MKLN1: variants seen among roughly 807,000 people sequenced by gnomAD.
MKLN1 encodes the protein muskelin 1, also known as muskelin.
MKLN1 carries 18 observed loss-of-function variants against 99.0 expected under a neutral mutation model. That is an observed-to-expected ratio of 0.18 (90% CI 0.13 to 0.27). The LOEUF is 0.27. Ranked by LOEUF, MKLN1 falls within the 10% of genes least tolerant of loss-of-function variation. MKLN1 has a pLI of 1.00. For synonymous variants in MKLN1, 288 were observed against 293.2 expected, an observed-to-expected ratio of 0.98 and a Z score of 0.18; for missense variants, 621 against 875.9, an observed-to-expected ratio of 0.71 and a Z score of 3.67.
At chr7:131,388,613 C>T (rs978122963) in intron 3 of MKLN1, among the ~76,000 whole-genome samples, 10 of 152,212 alleles carry the variant, frequency 6.6e-5, no homozygotes, top group African/African-American at 9.6e-5. Context: ...GGCCCTGTCA[C>T]ACATTTTTAA....
At chr7:131,349,859 T>C (rs956589813) in intron 1 of MKLN1, among the ~76,000 whole-genome samples, 8 of 152,352 alleles carry the variant, frequency 5.3e-5, no homozygotes, top group Admixed American at 4.6e-4. Context: ...GTTTGTTTTA[T>C]TTTGTTGCCA....
intron 1 of MKLN1, among the ~76,000 whole-genome samples, chr7:131,136,316 A>G (rs1795648072): frequency 6.6e-6 from 1 of 152,226 alleles, no homozygotes; most frequent in African/African-American, 2.4e-5. Flanking sequence ...TCCATCCAAC[A>G]TAGTGTATTT....
chr7:131,389,053 C>T (rs1794116737), intron 4 of MKLN1, 81 bp downstream of exon 4: 2 of 792,442 alleles, frequency 2.5e-6, no homozygotes, highest in African/African-American at 3.5e-5. Context: ...CCAAATCCTG[C>T]AGGCCTCTTG....
chr7:131,457,498 T>C (rs1796381071), intron 12 of MKLN1, among the ~76,000 whole-genome samples: 1 of 152,014 alleles, frequency 6.6e-6, no homozygotes, highest in South Asian at 2.1e-4. Flanking sequence ...GCAAGAGCAC[T>C]CTTCCAGGAA....
chr7:131,270,894 C>T (rs1406460530), intron 3 of MKLN1, among the ~76,000 whole-genome samples: 2 of 151,246 alleles, frequency 1.3e-5, no homozygotes, highest in Non-Finnish European at 2.9e-5. Flanking sequence ...GTCTTTCCTC[C>T]TCTGTAAAAA....
intron 3 of MKLN1, among the ~76,000 whole-genome samples, chr7:131,226,285 A>G (rs2116463320): frequency 6.6e-6 from 1 of 150,578 alleles, no homozygotes; most frequent in East Asian, 1.9e-4. Flanking sequence ...GCCCAAGAGA[A>G]AAATGTAAAC....
At chr7:131,159,282 T>G (rs543544312) in intron 2 of MKLN1, among the ~76,000 whole-genome samples, 1 of 152,158 alleles carries the variant, frequency 6.6e-6, no homozygotes, top group African/African-American at 2.4e-5. Flanking sequence ...TTATGAAATA[T>G]CTATCACACA....
At chr7:131,205,082 A>G (rs1365969715) in intron 3 of MKLN1, among the ~76,000 whole-genome samples, 4 of 150,024 alleles carry the variant, frequency 2.7e-5, no homozygotes, top group Non-Finnish European at 4.4e-5. Context: ...TGGGCAACAG[A>G]ACAAGACTCC....
chr7:131,190,925 A>G (rs947051246), intron 2 of MKLN1, among the ~76,000 whole-genome samples: 2 of 152,180 alleles, frequency 1.3e-5, no homozygotes, highest in African/African-American at 4.8e-5. Flanking sequence ...ATTTAATCCT[A>G]AAACTGCATA....
chr7:131,265,483 C>T (rs999013999), intron 3 of MKLN1, among the ~76,000 whole-genome samples: 8 of 152,192 alleles, frequency 5.3e-5, no homozygotes, highest in African/African-American at 1.9e-4. Flanking sequence ...ACAGCCTAGG[C>T]TGGCATGCTT....
intron 1 of MKLN1, among the ~76,000 whole-genome samples, chr7:131,348,821 G>A (rs1304619012): frequency 6.6e-6 from 1 of 152,096 alleles, no homozygotes; most frequent in African/African-American, 2.4e-5. Flanking sequence ...GAGACAGTAT[G>A]GTATAGAGAG....
At chr7:131,404,858 A>G (rs1421214395) in intron 6 of MKLN1, among the ~76,000 whole-genome samples, 2 of 152,096 alleles carry the variant, frequency 1.3e-5, no homozygotes, top group Non-Finnish European at 2.9e-5. Flanking sequence ...TGGCCTCCCA[A>G]AGTGCTAGAA....
chr7:131,346,535 C>A (rs1375026277), intron 1 of MKLN1, among the ~76,000 whole-genome samples: 4 of 148,730 alleles, frequency 2.7e-5, no homozygotes, highest in East Asian at 3.9e-4. Context: ...AAAAAAAAAA[C>A]CCAAAAAACA....
At chr7:131,484,118 A>G (rs1000847338) in intron 17 of MKLN1, among the ~76,000 whole-genome samples, 2 of 152,196 alleles carry the variant, frequency 1.3e-5, no homozygotes, top group South Asian at 4.1e-4. Context: ...ATTCTTATGA[A>G]GTGATACATA....
At chr7:131,452,462 C>T (rs1796207743) in intron 12 of MKLN1, among the ~76,000 whole-genome samples, 1 of 151,544 alleles carries the variant, frequency 6.6e-6, no homozygotes, top group African/African-American at 2.4e-5. Context: ...TCATTTTGGC[C>T]CTGGGAATGT....
Position 131,242,164 on chromosome 7 carries a change from C to T in MKLN1, c.-179+39190C>T, listed in dbSNP as rs573446665. Reference sequence around the variant, plus strand: ...CCAAGGCTAAGATGACCACGGCCAACGGCTATTGTCATCTGTTGAGGGCAG... The same window carrying T: ...CCAAGGCTAAGATGACCACGGCCAATGGCTATTGTCATCTGTTGAGGGCAG... On this transcript the variant is annotated intron_variant, in intron 3 of 7. Coordinates refer to the MKLN1 transcript ENST00000416992. 6.4e-4 allele frequency among the ~76,000 whole-genome samples: 97 copies of T among 152,306 alleles called. 3 individuals carry two copies. In the South Asian group the frequency reaches 0.014, roughly 22 times the overall value.
At chr7:131,378,598 G>A (rs1793737516) in intron 2 of MKLN1, among the ~76,000 whole-genome samples, 2 of 152,218 alleles carry the variant, frequency 1.3e-5, no homozygotes, top group Middle Eastern at 6.4e-3. Context: ...GGGAGGCCAA[G>A]ACGGGTGGAT....
intron 2 of MKLN1, among the ~76,000 whole-genome samples, chr7:131,158,071 C>T (rs571441887): frequency 2.6e-4 from 40 of 152,290 alleles, no homozygotes; most frequent in African/African-American, 8.7e-4. Flanking sequence ...TGCCTGGAAA[C>T]GGGCGTTTTG....
chr7:131,338,595 TC>T (rs1799316353), intron 1 of MKLN1, among the ~76,000 whole-genome samples: 1 of 152,242 alleles, frequency 6.6e-6, no homozygotes, highest in African/African-American at 2.4e-5. Context: ...TACAGACTAT[TC>T]CGTCATATTC....
Sources: allele counts gnomAD v4.1 joint callset (sites outside exome capture counted in the v4.1 genomes callset), GRCh38; gene constraint gnomAD v4.1.1; transcripts MANE v1.5; gene names NCBI Gene and HGNC (gene_info 2026-07-23, HGNC 2026-07-21).